TBC1D19: variants seen among roughly 807,000 people sequenced by gnomAD.
TBC1D19 encodes the protein TBC1 domain family member 19.
A neutral mutation model predicts 89.0 loss-of-function variants in TBC1D19; 60 were observed. The ratio of observed to expected loss-of-function variants is 0.67; its 90% CI spans 0.55 to 0.84. The LOEUF (loss-of-function observed/expected upper bound fraction) is 0.84. Ranked by LOEUF, TBC1D19 falls within the 40% of genes least tolerant of loss-of-function variation. The pLI is 0.00. For missense variants in TBC1D19, 500 were observed against 610.8 expected, an observed-to-expected ratio of 0.82 and a Z score of 1.91; for synonymous variants, 189 against 199.7, an observed-to-expected ratio of 0.95 and a Z score of 0.45.
chr4:26,591,712 C>T (rs1739821531), intron 1 of TBC1D19, among the ~76,000 whole-genome samples: 1 of 152,218 alleles, frequency 6.6e-6, no homozygotes, highest in African/African-American at 2.4e-5. Flanking sequence ...ATAAACACAT[C>T]TACGCAAATA....
At chr4:26,676,716 CAA>C (rs111713657) in intron 11 of TBC1D19, among the ~76,000 whole-genome samples, 33 of 85,794 alleles carry the variant, frequency 3.8e-4, no homozygotes, top group Admixed American at 3.8e-4. Flanking sequence ...AAGACTGTCT[CAA>C]AAAAAAAAAA....
At chr4:26,771,208 G>A in the TBC1D19 span, among the ~76,000 whole-genome samples, 3 of 152,006 alleles carry the variant, frequency 2.0e-5, no homozygotes, top group Non-Finnish European at 4.4e-5. Flanking sequence ...TCACAACGAT[G>A]TTGAGAAATT....
At chr4:26,732,351 T>C (rs1717717050) in intron 15 of TBC1D19, among the ~76,000 whole-genome samples, 1 of 152,206 alleles carries the variant, frequency 6.6e-6, no homozygotes, top group East Asian at 1.9e-4. Flanking sequence ...TAAGTCCTCC[T>C]CCGCCCTAGC....
At chr4:26,604,078 G>T (rs768607122) in intron 1 of TBC1D19, among the ~76,000 whole-genome samples, 48 of 150,874 alleles carry the variant, frequency 3.2e-4, no homozygotes, top group Admixed American at 1.3e-4. Flanking sequence ...TTTTTGGACA[G>T]ATTTATTTTA....
intron 13 of TBC1D19, among the ~76,000 whole-genome samples, chr4:26,690,153 A>G (rs1714152909): frequency 1.3e-5 from 2 of 152,218 alleles, no homozygotes; most frequent in African/African-American, 4.8e-5. Flanking sequence ...ACCAAAGCCT[A>G]ATCCAGAGCA....
At chr4:26,815,933 G>A in the TBC1D19 span, among the ~76,000 whole-genome samples, 1 of 152,172 alleles carries the variant, frequency 6.6e-6, no homozygotes, top group Non-Finnish European at 1.5e-5. Context: ...CCCCCCGAGG[G>A]CCTGCAGAGC....
At chr4:26,844,759 G>T in the TBC1D19 span, among the ~76,000 whole-genome samples, 1 of 151,946 alleles carries the variant, frequency 6.6e-6, no homozygotes, top group African/African-American at 2.4e-5. Flanking sequence ...TTTATTAATG[G>T]TACCACTATT....
chr4:26,833,550 G>A, the TBC1D19 span, among the ~76,000 whole-genome samples: 1 of 152,190 alleles, frequency 6.6e-6, no homozygotes, highest in African/African-American at 2.4e-5. Context: ...GTCAGTAGCA[G>A]TAAAGGTGAG....
At chr4:26,771,283 G>C in the TBC1D19 span, among the ~76,000 whole-genome samples, 1 of 151,982 alleles carries the variant, frequency 6.6e-6, no homozygotes, top group African/African-American at 2.4e-5. Context: ...CAGTATGGAG[G>C]TTCCTCAAAA....
At chr4:26,828,089 G>C in the TBC1D19 span, among the ~76,000 whole-genome samples, 3 of 152,138 alleles carry the variant, frequency 2.0e-5, no homozygotes, top group African/African-American at 4.8e-5. Context: ...TTCCTTAGGC[G>C]TGTAGTCCCC....
At chr4:26,769,785 C>A in the TBC1D19 span, among the ~76,000 whole-genome samples, 500 of 152,092 alleles carry the variant, frequency 3.3e-3, 1 homozygote, top group African/African-American at 0.011. Flanking sequence ...TGAGCTCAAG[C>A]AATCCACCCT....
the TBC1D19 span, among the ~76,000 whole-genome samples, chr4:26,832,346 A>T: frequency 6.6e-6 from 1 of 152,186 alleles, no homozygotes; most frequent in Non-Finnish European, 1.5e-5. Flanking sequence ...TTAGAATCAT[A>T]GACTCTGGCA....
At chr4:26,646,525 C>T (rs186631600) in intron 7 of TBC1D19, among the ~76,000 whole-genome samples, 15 of 152,214 alleles carry the variant, frequency 9.9e-5, no homozygotes, top group East Asian at 9.6e-4. Flanking sequence ...ATGTTTATTG[C>T]GGTACTATTC....
At chr4:26,638,040 A>C (rs1468424766) in intron 5 of TBC1D19, among the ~76,000 whole-genome samples, 1 of 152,202 alleles carries the variant, frequency 6.6e-6, no homozygotes, top group Admixed American at 6.6e-5. Flanking sequence ...ATAATTTGTC[A>C]TCTCTCTGTA....
intron 10 of TBC1D19, among the ~76,000 whole-genome samples, chr4:26,672,469 C>T (rs1861470): frequency 0.36 from 55,152 of 151,692 alleles, 11,318 homozygotes; most frequent in Non-Finnish European, 0.47. Context: ...TTAATCCATT[C>T]GGCAGTAGAA....
intron 13 of TBC1D19, among the ~76,000 whole-genome samples, chr4:26,711,597 G>A (rs570920175): frequency 1.1e-4 from 16 of 152,042 alleles, no homozygotes; most frequent in African/African-American, 1.9e-4. Context: ...TAATTCTGCC[G>A]TATTAGCATA....
chr4:26,799,472 A>G, the TBC1D19 span, among the ~76,000 whole-genome samples: 1 of 152,226 alleles, frequency 6.6e-6, no homozygotes, highest in South Asian at 2.1e-4. Context: ...TTTTGTTTGG[A>G]AAAGATACCA....
the TBC1D19 span, among the ~76,000 whole-genome samples, chr4:26,767,077 G>A: frequency 9.5e-3 from 1,446 of 152,232 alleles, 16 homozygotes; most frequent in African/African-American, 0.033. Context: ...GGCTGAGGCA[G>A]GAGGGTTGCT....
chr4:26,792,111 T>C, the TBC1D19 span, among the ~76,000 whole-genome samples: 1 of 151,916 alleles, frequency 6.6e-6, no homozygotes, highest in South Asian at 2.1e-4. Flanking sequence ...TGGAAGTCAA[T>C]GAAGAGTATT....
Sources: allele counts gnomAD v4.1 joint callset (sites outside exome capture counted in the v4.1 genomes callset), GRCh38; gene constraint gnomAD v4.1.1; transcripts MANE v1.5; gene names NCBI Gene and HGNC (gene_info 2026-07-23, HGNC 2026-07-21).